IQSEC2: variants seen among roughly 807,000 people sequenced by gnomAD.
The protein encoded by IQSEC2 is IQ motif and Sec7 domain ArfGEF 2.
IQSEC2 carries 6 observed loss-of-function variants against 74.6 expected under a neutral mutation model. The ratio of observed to expected loss-of-function variants is 0.08; its 90% CI spans 0.04 to 0.16. The LOEUF is 0.16. IQSEC2 is among the 10% of genes least tolerant of loss of function. IQSEC2 has a pLI of 1.00. For synonymous variants in IQSEC2, 494 were observed against 544.5 expected, an observed-to-expected ratio of 0.91 and a Z score of 1.29; for missense variants, 734 against 1,306.2, an observed-to-expected ratio of 0.56 and a Z score of 6.75.
intron 8 of IQSEC2, among the ~76,000 whole-genome samples, chrX:53,244,017 A>C (rs1422631825): frequency 1.8e-5 from 2 of 109,343 alleles, no homozygotes; most frequent in African/African-American, 6.7e-5. Flanking sequence ...CAGGAGATCA[A>C]GACCATCCTG....
At chrX:53,236,966 G>A (rs782146586) in intron 12 of IQSEC2, among the ~76,000 whole-genome samples, 1 of 111,690 alleles carries the variant, frequency 9.0e-6, no homozygotes, top group Non-Finnish European at 1.9e-5. Context: ...CCTTGCTCCG[G>A]AGCAGAGGGG....
intron 1 of IQSEC2, among the ~76,000 whole-genome samples, chrX:53,307,174 C>G (rs892043359): frequency 4.5e-5 from 5 of 109,903 alleles, no homozygotes; most frequent in Non-Finnish European, 7.6e-5. Flanking sequence ...TTATAACAAC[C>G]AACTCCCTGC....
At position 53,254,656 on chromosome X, in the gene IQSEC2, C is replaced by T. The variant is rs782511486; in HGVS notation, c.1275G>A (p.Arg425=). The part of the protein sequence containing the change: ...EGAMAGARSH[R]LERGLPYGGS... ...CTCCATATGGGAGCCCCCGTTCAAGCCGGTGGCTCCGGGCACCAGCCATGG... is the reference window on the plus strand; with the variant it reads ...CTCCATATGGGAGCCCCCGTTCAAGTCGGTGGCTCCGGGCACCAGCCATGG... The change falls in exon 4 of 15, where the codon CGG becomes CGA. Residue 425 remains arginine, a synonymous_variant. Coordinates refer to ENST00000642864, the MANE Select transcript of IQSEC2 (RefSeq NM_001111125.3). The T allele has an allele frequency of 3.3e-6, 4 of 1,209,781 alleles. No homozygotes were observed. Among genetic ancestry groups the T allele is most frequent in the South Asian group, 3.5e-5 (2 of 56,605 alleles).
rs782099475 is a variant in IQSEC2 at position 53,248,189 on chromosome X, G to A, written c.2507C>T (p.Ala836Val). ...GATATGGGACTGGAACTTCCGGAGC[G>A]CATCATCCAGATCCATGGAGGAGAA... ...MDFSSMDLDD[A>V]LRKFQSHIRV... Residue 836 changes from alanine (A) to valine (V), a missense_variant, in exon 7 of 15, where the codon GCG (alanine) becomes GTG (valine). Ala to Val is a moderately conservative substitution (Grantham distance 64). Transcript: ENST00000642864. The A allele has an allele frequency of 8.3e-7, 1 of 1,209,055 alleles. No homozygotes were observed.
At chrX:53,291,806 G>T in intron 2 of IQSEC2, 89 bp downstream of exon 2, 1 of 848,618 alleles carries the variant, frequency 1.2e-6, no homozygotes. Context: ...CCCTCCCCTT[G>T]CCCATGGATC....
chrX:53,248,599 G>T, intron 6 of IQSEC2, 122 bp downstream of exon 6: 1 of 750,858 alleles, frequency 1.3e-6, no homozygotes, highest in Non-Finnish European at 2.0e-6. Context: ...GGGGCAGGAA[G>T]GTCTATTCAT....
intron 2 of IQSEC2, among the ~76,000 whole-genome samples, chrX:53,261,492 G>A (rs868923427): frequency 9.9e-6 from 1 of 100,671 alleles, no homozygotes; most frequent in Non-Finnish European, 2.0e-5. Flanking sequence ...ATCTGCATGT[G>A]CACACACACA....
At position 53,254,597 on chromosome X, in the gene IQSEC2, C is replaced by A; in HGVS notation, c.1334G>T (p.Ser445Ile). The change falls in exon 4 of 15, where the codon AGC becomes ATC. Residue 445 changes from serine (S) to isoleucine (I), a missense_variant. By Grantham distance (142) the Ser-to-Ile change is moderately radical. This residue lies in a region of IQSEC2 where 204 missense variants were observed against 305.4 expected (regional missense o/e 0.67). Transcript: ENST00000642864. ...AAACTCTCCAGATGTGGTGACGGAG[C>A]TTCCACCACCATCGATGCCCCCACC... is the stretch of plus-strand genomic sequence containing the variant. The part of the protein sequence containing the change: ...SCGGGIDGGG[S>I]SVTTSGEFSN... 8.4e-7 allele frequency: 1 copy of A among 1,192,018 alleles called. No individual in the cohort carries two copies. The highest frequency in any genetic ancestry group is 1.8e-5 in the African/African-American group (1 of 56,979).
At chrX:53,269,453 T>C (rs2074706582) in intron 2 of IQSEC2, among the ~76,000 whole-genome samples, 1 of 109,663 alleles carries the variant, frequency 9.1e-6, no homozygotes, top group Non-Finnish European at 1.9e-5. Flanking sequence ...CCCCATTACC[T>C]CCTCCACAAC....
intron 2 of IQSEC2, among the ~76,000 whole-genome samples, chrX:53,284,332 C>CCATA (rs1483865999): frequency 9.1e-6 from 1 of 110,016 alleles, no homozygotes; most frequent in African/African-American, 3.3e-5. Flanking sequence ...AGCCCCTACC[C>CCATA]CATACCTCCA....
Position 53,250,157 on chromosome X carries a change from T to C in IQSEC2, c.2297+122A>G, listed in dbSNP as rs139178456. The C allele has an allele frequency of 1.1e-3, 912 of 830,524 alleles. 5 individuals are homozygous for C. The highest frequency in any genetic ancestry group is 8.3e-3 in the East Asian group (256 of 30,934). 68.4% of individuals were successfully genotyped at this position (830,524 alleles called of 1,213,427 possible). ...TCTTCCCTGAATGTCTGGGGAGAAA[T>C]ACCATTCCACAAAATGAAAGGATGG... On this transcript the variant is annotated intron_variant, in intron 5 of 14. Transcript: ENST00000642864.
At chrX:53,255,035 T>G in intron 3 of IQSEC2, 104 bp from the exon 4 acceptor site, 1 of 812,160 alleles carries the variant, frequency 1.2e-6, no homozygotes, top group Non-Finnish European at 1.8e-6. Flanking sequence ...GCTGACTGCT[T>G]ACAGCCACCG....
Position 53,291,924 on chromosome X carries a change from T to C in IQSEC2, c.708A>G (p.Lys236=). 2.6e-6 allele frequency: 3 copies of C among 1,165,526 alleles called. No homozygotes were observed. The highest frequency in any genetic ancestry group is 3.4e-6 in the Non-Finnish European group (3 of 871,522). The part of the protein sequence containing the change: ...STSPATTLQR[K]SDGENSRTVS... Reference sequence around the variant, plus strand: ...CTGTTCTGGAATTCTCACCATCAGATCTGAAAGGGAAACAGAGAAAAAAAA... The same window carrying C: ...CTGTTCTGGAATTCTCACCATCAGACCTGAAAGGGAAACAGAGAAAAAAAA... Residue 236 remains lysine, a splice_region_variant and synonymous_variant, in exon 2 of 15, where the codon AAA becomes AAG. Coordinates refer to ENST00000642864, the MANE Select transcript of IQSEC2 (RefSeq NM_001111125.3).
rs1556863245 is a variant in IQSEC2 at position 53,250,766 on chromosome X, C to T, written c.1810G>A (p.Val604Met). The T allele has an allele frequency of 5.8e-6, 7 of 1,210,435 alleles. No homozygotes were observed. The highest frequency in any genetic ancestry group is 1.8e-5 in the South Asian group (1 of 56,734). Reference sequence around the variant, plus strand: ...CGATCTGAGCGGTCACTCAGGTCCACGGAGCTGTCACTAGGAGGCTCAATG... The same window carrying T: ...CGATCTGAGCGGTCACTCAGGTCCATGGAGCTGTCACTAGGAGGCTCAATG... ...LTIEPPSDSS[V>M]DLSDRSDRGS... The change falls in exon 5 of 15, where the codon GTG (valine) becomes ATG (methionine). Residue 604 changes from valine (V) to methionine (M), a missense_variant. This residue lies in a region of IQSEC2 where 204 missense variants were observed against 305.4 expected (regional missense o/e 0.67). Coordinates refer to ENST00000642864, the MANE Select transcript of IQSEC2 (RefSeq NM_001111125.3).
intron 1 of IQSEC2, among the ~76,000 whole-genome samples, chrX:53,306,595 C>G (rs1349338595): frequency 9.0e-6 from 1 of 111,397 alleles, no homozygotes; most frequent in Non-Finnish European, 1.9e-5. Flanking sequence ...GTTGAAAAAG[C>G]AAAACAACCA....
At chrX:53,253,348 T>C (rs2074419512) in intron 4 of IQSEC2, among the ~76,000 whole-genome samples, 1 of 112,138 alleles carries the variant, frequency 8.9e-6, no homozygotes. Flanking sequence ...TTATTGATCA[T>C]GTTTCAGTGT....
At chrX:53,266,267 A>G in intron 2 of IQSEC2, 1 of 518,716 alleles carries the variant, frequency 1.9e-6, no homozygotes, top group South Asian at 1.0e-4. Flanking sequence ...AAAGAAGGCA[A>G]GGCCCTGGTG....
rs1327209801 is a variant in IQSEC2 at position 53,248,825 on chromosome X, C to T, written c.2355G>A (p.Pro785=). 2.2e-5 allele frequency: 26 copies of T among 1,209,225 alleles called. No homozygotes were observed. Among genetic ancestry groups the T allele is most frequent in the East Asian group, 1.8e-4 (6 of 33,750 alleles). The part of the protein sequence containing the change: ...LIERGFLSDT[P]VGVAHFILER... ...CCAGGATGAAGTGAGCCACTCCCAC[C>T]GGTGTGTCTGACAGGAAGCCCCGCT... The change falls in exon 6 of 15, where the codon CCG becomes CCA. Residue 785 remains proline (P), a synonymous_variant. Coordinates refer to ENST00000642864, the MANE Select transcript of IQSEC2 (RefSeq NM_001111125.3).
At chrX:53,242,297 G>C (rs782589999) in intron 9 of IQSEC2, among the ~76,000 whole-genome samples, 1 of 108,652 alleles carries the variant, frequency 9.2e-6, no homozygotes, top group South Asian at 4.1e-4. Context: ...AGCTGGGTGT[G>C]GTGGTGGGCG....
Sources: allele counts gnomAD v4.1 joint callset (sites outside exome capture counted in the v4.1 genomes callset), GRCh38; gene constraint gnomAD v4.1.1; regional missense constraint gnomAD v4.1.1; transcripts MANE v1.5; gene names NCBI Gene and HGNC (gene_info 2026-07-23, HGNC 2026-07-21).